Variants in LAMP3 observed in about 807,000 individuals in gnomAD.
The protein encoded by LAMP3 is lysosome associated membrane protein 3.
LAMP3 carries 26 observed loss-of-function variants against 34.8 expected under a neutral mutation model. The observed-to-expected ratio is 0.75, with a 90% CI of 0.55 to 1.04. The LOEUF is 1.04. Among genes scored for constraint, LAMP3 ranks in the 50% least tolerant of loss-of-function variants. LAMP3 has a pLI of 0.00. For synonymous variants in LAMP3, 180 were observed against 201.9 expected, an observed-to-expected ratio of 0.89 and a Z score of 0.92; for missense variants, 495 against 524.0, an observed-to-expected ratio of 0.94 and a Z score of 0.54.
chr3:183,161,516 G>C (rs796877919), intron 1 of LAMP3, among the ~76,000 whole-genome samples: 1 of 151,912 alleles, frequency 6.6e-6, no homozygotes, highest in African/African-American at 2.4e-5. Context: ...TCAGTCTCCC[G>C]AGTACCTGGG....
intron 3 of LAMP3, among the ~76,000 whole-genome samples, chr3:183,145,145 T>G (rs916351950): frequency 5.9e-5 from 9 of 152,132 alleles, no homozygotes; most frequent in Admixed American, 5.9e-4. Flanking sequence ...CCAGGAAGGA[T>G]GTTGTAGGGA....
rs377171543 is a variant in LAMP3, at chr3:183,124,502, C to T, written c.1118-288G>A. ...ATTTCCTGAACTGAGTAAGAAGTCACTCCAGGCATACTCCCTGCTAAGTGG... is the reference window on the plus strand; with the variant it reads ...ATTTCCTGAACTGAGTAAGAAGTCATTCCAGGCATACTCCCTGCTAAGTGG... On this transcript the variant is annotated intron_variant, in intron 5 of 5. Coordinates refer to ENST00000265598, the MANE Select transcript of LAMP3 (RefSeq NM_014398.4). Among the ~76,000 whole-genome samples the T allele has an allele frequency of 7.1e-4, 108 of 152,308 alleles. 1 individual carries two copies. The highest frequency in any genetic ancestry group is 2.5e-3 in the African/African-American group (104 of 41,564).
chr3:183,132,017 C>G (rs6775295), intron 5 of LAMP3: 45,201 of 985,284 alleles, frequency 0.046, 1,152 homozygotes, highest in Non-Finnish European at 0.05. Context: ...CATATTGTCT[C>G]CCTGCTCTGT....
At chr3:183,162,432 G>T (rs895899938) in intron 1 of LAMP3, among the ~76,000 whole-genome samples, 175 bp downstream of exon 1, 1 of 152,158 alleles carries the variant, frequency 6.6e-6, no homozygotes, top group African/African-American at 2.4e-5. Context: ...TGTCTTTGGG[G>T]TTGACACCTG....
At chr3:183,130,657 A>G (rs1719891250) in intron 5 of LAMP3, among the ~76,000 whole-genome samples, 1 of 151,782 alleles carries the variant, frequency 6.6e-6, no homozygotes, top group African/African-American at 2.4e-5. Context: ...CCTTTGGGTT[A>G]GATATTTGGA....
rs1192142107 is a variant in LAMP3, at chr3:183,146,522, ATTTTTTT to A, written c.888+5846_888+5852del. Among the ~76,000 whole-genome samples, 249 of 130,100 alleles carry A rather than the reference ATTTTTTT, an allele frequency of 1.9e-3. 5 individuals carry two copies. Among genetic ancestry groups the A allele is most frequent in the Admixed American group, 0.018 (222 of 12,672 alleles). The allele number at this position is 130,100 out of a possible 152,430, so 85.4% of individuals were successfully genotyped here. ...GTTTTTTGGCCAGCATGGTGCTCAA[ATTTTTTT>A]TTTTTTTTTTTTTTTGAGACAGAGT... On this transcript the variant is annotated intron_variant, in intron 3 of 5. Transcript: ENST00000265598.
intron 1 of LAMP3, 82 bp from the exon 2 acceptor site, chr3:183,154,473 G>A (rs765764598): frequency 5.4e-6 from 6 of 1,102,210 alleles, no homozygotes; most frequent in Middle Eastern, 2.7e-4. Context: ...CTTAATGTCT[G>A]TTCATAAAAA....
chr3:183,143,827 T>A (rs1720359810), intron 3 of LAMP3, among the ~76,000 whole-genome samples: 1 of 152,230 alleles, frequency 6.6e-6, no homozygotes. Context: ...AAAATCGTCT[T>A]TGGTAAACTT....
intron 2 of LAMP3, 55 bp from the exon 3 acceptor site, chr3:183,152,558 G>A: frequency 1.3e-6 from 2 of 1,521,400 alleles, no homozygotes; most frequent in East Asian, 2.4e-5. Context: ...ACTCTAGCTA[G>A]GGAACCAGAT....
chr3:183,139,154 C>G (rs1213943926), intron 4 of LAMP3, among the ~76,000 whole-genome samples: 1 of 152,148 alleles, frequency 6.6e-6, no homozygotes, highest in Non-Finnish European at 1.5e-5. Flanking sequence ...CTTTGGGAGG[C>G]CAAGGTGCGT....
intron 5 of LAMP3, among the ~76,000 whole-genome samples, chr3:183,130,153 C>T (rs1719872096): frequency 7.8e-6 from 1 of 128,282 alleles, no homozygotes; most frequent in African/African-American, 2.7e-5. Flanking sequence ...CACCCTCACT[C>T]CTTTTTTTTT....
At chr3:183,142,190 T>C (rs1215052972) in intron 3 of LAMP3, among the ~76,000 whole-genome samples, 1 of 151,792 alleles carries the variant, frequency 6.6e-6, no homozygotes, top group African/African-American at 2.4e-5. Context: ...AAGAGAGACT[T>C]ATATTTCAGG....
chr3:183,138,607 C>T (rs141786791), intron 4 of LAMP3, among the ~76,000 whole-genome samples: 2 of 152,282 alleles, frequency 1.3e-5, no homozygotes, highest in South Asian at 2.1e-4. Context: ...GCTTCTCACA[C>T]GAGAAGTGAA....
At chr3:183,132,762 A>G (rs549395494) in intron 5 of LAMP3, 149 of 985,340 alleles carry the variant, frequency 1.5e-4, no homozygotes, top group Non-Finnish European at 1.8e-4. Flanking sequence ...CAGGCTGAAT[A>G]TGATGCTGGA....
chr3:183,162,872 G>C, upstream of LAMP3: 1 of 527,698 alleles, frequency 1.9e-6, no homozygotes, highest in Non-Finnish European at 3.3e-6. Context: ...GCAGCCGCCG[G>C]GGCCCGGGCC....
chr3:183,137,507 A>G (rs571323253), intron 4 of LAMP3, among the ~76,000 whole-genome samples: 50 of 152,134 alleles, frequency 3.3e-4, no homozygotes, highest in Non-Finnish European at 5.9e-4. Flanking sequence ...TAGTCCCACG[A>G]TGAATTAACA....
chr3:183,140,576 A>T lies in LAMP3; in HGVS notation c.908T>A (p.Ile303Asn). The T allele has an allele frequency of 1.2e-6, 2 of 1,601,836 alleles. No individual in the cohort carries two copies. The highest frequency in any genetic ancestry group is 1.7e-4 in the Middle Eastern group (1 of 6,046). ...GGTCAAATAGGCTCCCACTTCACTG[A>T]TATAATATGATTCTTCATCCTGTAA... ...TFTKDEESYY[I>N]SEVGAYLTVS... is the part of the protein sequence containing the mutation. The change falls in exon 4 of 6, where the codon ATC becomes AAC. Residue 303 changes from isoleucine (I) to asparagine (N), a missense_variant. By Grantham distance (149) the Ile-to-Asn change is moderately radical (BLOSUM62 -3). Coordinates refer to ENST00000265598, the MANE Select transcript of LAMP3 (RefSeq NM_014398.4).
intron 3 of LAMP3, among the ~76,000 whole-genome samples, chr3:183,143,743 T>C (rs550497839): frequency 2.0e-5 from 3 of 152,340 alleles, no homozygotes; most frequent in African/African-American, 7.2e-5. Context: ...ATTTATGCTA[T>C]GGAATGAGGC....
At chr3:183,133,675 A>C (rs1719993989) in intron 5 of LAMP3, among the ~76,000 whole-genome samples, 1 of 152,196 alleles carries the variant, frequency 6.6e-6, no homozygotes, top group East Asian at 1.9e-4. Flanking sequence ...TGTTTCTTAC[A>C]GGGGCTGCTC....
Sources: gnomAD v4.1 joint callset for allele counts (sites outside exome capture counted in the v4.1 genomes callset) on GRCh38, gnomAD v4.1.1 for gene constraint, MANE v1.5 for transcripts, NCBI Gene and HGNC (gene_info 2026-07-23, HGNC 2026-07-21) for gene names.